Variants in SEZ6 observed in about 807,000 individuals in gnomAD.
SEZ6 encodes the protein seizure related 6 homolog.
A neutral mutation model predicts 101.0 loss-of-function variants in SEZ6; 53 were observed. That is an observed-to-expected ratio of 0.52 (90% confidence interval 0.42 to 0.66). SEZ6 has a LOEUF of 0.66. Ranked by LOEUF, SEZ6 falls within the 30% of genes least tolerant of loss-of-function variation. The pLI, the probability that SEZ6 is intolerant of heterozygous loss-of-function variation, is 0.00. For synonymous variants in SEZ6, 488 were observed against 512.2 expected (o/e 0.95, Z 0.64); for missense variants, 1,102 against 1,289.4 (o/e 0.85, Z 2.23).
chr17:28,971,694 G>A (rs559878356), intron 3 of SEZ6, among the ~76,000 whole-genome samples: 39 of 152,322 alleles, frequency 2.6e-4, no homozygotes, highest in African/African-American at 8.9e-4. Flanking sequence ...GATCTACATG[G>A]GCTCAAGGTT....
rs114993784 is a variant in SEZ6, at chr17:28,957,652, C to G, written c.2303-113G>C. ...TTCTTCATGTCGTATGGGTCTACCC[C>G]CTACGTATCTGTCCCTACCATTATG... On this transcript the variant is annotated intron_variant, in intron 11 of 16. Transcript: ENST00000317338. The G allele has an allele frequency of 7.0e-4, 816 of 1,169,964 alleles. 4 individuals carry two copies. The African/African-American group carries it at 0.011, about 16-fold the overall frequency. The allele number at this position is 1,169,964 out of a possible 1,614,324, so 72.5% of individuals were successfully genotyped here. A position where few individuals can be genotyped will look rare whatever the true frequency, so the allele number is the denominator to read the frequency against.
At position 28,963,282 on chromosome 17, in the gene SEZ6, A is replaced by C. The variant is rs184530998; in HGVS notation, c.1240+680T>G. On this transcript the variant is annotated intron_variant, in intron 5 of 16. Transcript: ENST00000317338. ...TCCCCTTTCCCTTTTCCCAGTTCCC[A>C]TCAGTTTCTGGAACTTCCCTCTGCT... 1.3e-3 allele frequency among the ~76,000 whole-genome samples: 195 copies of C among 152,190 alleles called. 1 individual carries two copies. The highest frequency in any genetic ancestry group is 4.5e-3 in the African/African-American group (186 of 41,518).
intron 1 of SEZ6, 80 bp from the exon 2 acceptor site, chr17:28,982,119 C>A: frequency 2.7e-6 from 4 of 1,467,006 alleles, no homozygotes; most frequent in Non-Finnish European, 3.6e-6. Context: ...AGTGGGGGGG[C>A]CCGCTCTCTT....
chr17:28,983,091 G>A (rs747776993), intron 1 of SEZ6, among the ~76,000 whole-genome samples: 9 of 152,172 alleles, frequency 5.9e-5, no homozygotes, highest in Non-Finnish European at 1.2e-4. Flanking sequence ...AGTGGGAAGA[G>A]CCAAGTTCTG....
At chr17:28,997,537 C>T (rs2041558707) in intron 1 of SEZ6, among the ~76,000 whole-genome samples, 1 of 152,218 alleles carries the variant, frequency 6.6e-6, no homozygotes, top group Non-Finnish European at 1.5e-5. Flanking sequence ...CCCAAACCAG[C>T]TGGCGCTCAC....
At chr17:29,002,459 G>A (rs754697268) in intron 1 of SEZ6, among the ~76,000 whole-genome samples, 4 of 152,178 alleles carry the variant, frequency 2.6e-5, no homozygotes, top group African/African-American at 7.2e-5. Context: ...CAGGATGGCC[G>A]CCAGGGCCTG....
rs2040865510 is a variant in SEZ6 at position 28,955,580 on chromosome 17, G to T, written c.*382C>A. ...CATGGTCAAGTTAATCCTGCTGCAG[G>T]TTGCCATGCCAGGGCGGGATGGTGG... On this transcript the variant is annotated 3_prime_UTR_variant, in exon 17 of 17. Transcript: ENST00000317338. 4.1e-6 allele frequency: 2 copies of T among 483,342 alleles called. No individual in the cohort carries two copies. The highest frequency in any genetic ancestry group is 8.2e-6 in the Non-Finnish European group (2 of 245,162). The allele number at this position is 483,342 out of a possible 1,614,324, so 29.9% of individuals were successfully genotyped here.
rs1198395964 is a variant in SEZ6 at position 28,959,385 on chromosome 17, A to T, written c.1859T>A (p.Ile620Asn). Reference protein sequence around the residue: ...PEPYGRGQDCIWGVHVEEDKR... With the variant: ...PEPYGRGQDCNWGVHVEEDKR... ...GTCCTCTTCCACATGCACACCCCAGATACAATCCTGCCCACGACCGTAGGG... is the reference window on the plus strand; with the variant it reads ...GTCCTCTTCCACATGCACACCCCAGTTACAATCCTGCCCACGACCGTAGGG... Residue 620 changes from isoleucine (I) to asparagine (N), a missense_variant, in exon 9 of 17, where the codon ATC becomes AAC. Physicochemically the swap from Ile to Asn is moderately radical, Grantham distance 149. Coordinates refer to ENST00000317338, the MANE Select transcript of SEZ6 (RefSeq NM_178860.5). This position sits in a 1 kb window ranked among gnomAD's most constrained non-coding sequence, Gnocchi z 4.4. 1.2e-6 allele frequency: 2 copies of T among 1,613,824 alleles called. No homozygotes were observed. Among genetic ancestry groups the T allele is most frequent in the Non-Finnish European group, 1.7e-6 (2 of 1,179,858 alleles).
rs1598180674 is a variant in SEZ6, at chr17:28,960,915, G to A, written c.1299C>T (p.Phe433=). 6.2e-7 allele frequency: 1 copy of A among 1,613,908 alleles called. No individual in the cohort carries two copies. Among genetic ancestry groups the A allele is most frequent in the East Asian group, 2.2e-5 (1 of 44,884 alleles). ...ATTGRIVSPG[F]PGNYSNNLTC... ...TGAGGTTGTTGCTGTAGTTGCCCGG[G>A]AAGCCTGGAGAGACGATGCGGCCGG... Residue 433 remains phenylalanine, a synonymous_variant, in exon 6 of 17, where the codon TTC becomes TTT. Transcript: ENST00000317338.
chr17:28,982,992 G>C (rs2041331794), intron 1 of SEZ6, among the ~76,000 whole-genome samples: 1 of 152,140 alleles, frequency 6.6e-6, no homozygotes, highest in South Asian at 2.1e-4. Context: ...TTTGTTAGGG[G>C]CCCAGTAGTT....
chr17:28,994,584 AT>A (rs1194079354), intron 1 of SEZ6, among the ~76,000 whole-genome samples: 3 of 146,918 alleles, frequency 2.0e-5, no homozygotes, highest in Non-Finnish European at 4.5e-5. Flanking sequence ...AATTTTTTGT[AT>A]TTTTTAGTAG....
chr17:28,958,436 A>G (rs956301175), intron 10 of SEZ6, among the ~76,000 whole-genome samples: 2 of 152,186 alleles, frequency 1.3e-5, no homozygotes, highest in African/African-American at 2.4e-5. Flanking sequence ...CGTCACTTCT[A>G]TGAAAGATTG....
intron 3 of SEZ6, among the ~76,000 whole-genome samples, 165 bp downstream of exon 3, chr17:28,979,515 G>A (rs536920119): frequency 1.5e-4 from 23 of 152,290 alleles, no homozygotes; most frequent in African/African-American, 5.1e-4. Context: ...CCAAACACAC[G>A]GGGCAGAATC....
Position 28,957,441 on chromosome 17 carries a change from G to C in SEZ6, c.2401C>G (p.Gln801Glu). 6.2e-7 allele frequency: 1 copy of C among 1,613,786 alleles called. No individual in the cohort carries two copies. Residue 801 changes from glutamine (Q) to glutamate (E), a missense_variant, in exon 12 of 17, where the codon CAG (glutamine) becomes GAG (glutamate). By Grantham distance (29) the Gln-to-Glu change is conservative. Around this residue, in one of 3 missense-constraint regions of SEZ6, gnomAD observed 556 missense variants for 735.1 expected, o/e 0.76. Transcript: ENST00000317338. Reference protein sequence around the residue: ...VGATVQYICDQGFVLMGSSIL... With the variant: ...VGATVQYICDEGFVLMGSSIL... ...GAGCTGCCCATCAGCACAAAACCCT[G>C]GTCACAGATATATTGCACGGTGGCC...
rs754875655 is a variant in SEZ6 at position 28,960,514 on chromosome 17, G to A, written c.1567C>T (p.Arg523Cys). The change falls in exon 7 of 17, where the codon CGC (arginine) becomes TGC (cysteine). Residue 523 changes from arginine to cysteine, a missense_variant. By Grantham distance (180) the Arg-to-Cys change is radical. Transcript: ENST00000317338. Reference protein sequence around the residue: ...SSGAAAGMALRYEAFQQGHCY... With the variant: ...SSGAAAGMALCYEAFQQGHCY... ...GCCCCAGCAGGCTCACCCTCATAGC[G>A]CAGGGCCATGCCTGCAGCTGCCCCG... is the stretch of plus-strand genomic sequence containing the variant. 5 of 1,591,344 alleles carry A rather than the reference G, an allele frequency of 3.1e-6. No homozygotes were observed. The highest frequency in any genetic ancestry group is 1.3e-5 in the African/African-American group (1 of 74,496).
intron 1 of SEZ6, among the ~76,000 whole-genome samples, chr17:28,983,514 T>G (rs2041338758): frequency 6.6e-6 from 1 of 152,194 alleles, no homozygotes; most frequent in African/African-American, 2.4e-5. Flanking sequence ...GAAACTGATT[T>G]GCTATCTCTG....
intron 3 of SEZ6, among the ~76,000 whole-genome samples, chr17:28,972,830 G>T (rs1318637865): frequency 6.6e-6 from 1 of 152,134 alleles, no homozygotes; most frequent in Non-Finnish European, 1.5e-5. Context: ...GAGAGCGAAG[G>T]GCTCAGAGGC....
intron 1 of SEZ6, among the ~76,000 whole-genome samples, chr17:28,983,554 T>C (rs1327508215): frequency 1.3e-5 from 2 of 152,098 alleles, no homozygotes; most frequent in South Asian, 2.1e-4. Flanking sequence ...CTGCTATTGA[T>C]TGTGTTGACT....
chr17:28,979,587 A>G, intron 3 of SEZ6, 93 bp downstream of exon 3: 1 of 1,563,366 alleles, frequency 6.4e-7, no homozygotes, highest in Non-Finnish European at 8.7e-7. Context: ...TGATGCCCCT[A>G]ATCATCCCCA....
Sources: gnomAD v4.1 joint callset for allele counts (sites outside exome capture counted in the v4.1 genomes callset) on GRCh38, gnomAD v4.1.1 for gene constraint, gnomAD v4.1.1 regional missense constraint, Gnocchi (gnomAD v3.1) non-coding constraint, MANE v1.5 for transcripts, NCBI Gene and HGNC (gene_info 2026-07-23, HGNC 2026-07-21) for gene names.